SH3GL3: variants seen among roughly 807,000 people sequenced by gnomAD.
SH3GL3 encodes the protein SH3 domain containing GRB2 like 3, endophilin A3.
A neutral mutation model predicts 47.7 loss-of-function variants in SH3GL3; 33 were observed. That is an observed-to-expected ratio of 0.69 (90% CI 0.52 to 0.92). The LOEUF is 0.92. SH3GL3 is among the 40% of genes least tolerant of loss of function. The pLI is 0.00. For missense variants in SH3GL3, 363 were observed against 417.8 expected (o/e 0.87, Z 1.14); for synonymous variants, 155 against 148.8 (o/e 1.04, Z -0.30).
At chr15:83,537,075 G>A (rs1596206107) in intron 1 of SH3GL3, among the ~76,000 whole-genome samples, 1 of 152,180 alleles carries the variant, frequency 6.6e-6, no homozygotes, top group Admixed American at 6.5e-5. Context: ...CTGAGTATAG[G>A]GGTGGGTGTG....
chr15:83,499,756 A>G (rs971790636), intron 1 of SH3GL3, among the ~76,000 whole-genome samples: 2 of 152,164 alleles, frequency 1.3e-5, no homozygotes, highest in African/African-American at 4.8e-5. Flanking sequence ...TAGTGTTTTA[A>G]CTAGTGTCAC....
At chr15:83,596,296 A>T (rs2060236066) in intron 8 of SH3GL3, among the ~76,000 whole-genome samples, 1 of 152,204 alleles carries the variant, frequency 6.6e-6, no homozygotes, top group Admixed American at 6.5e-5. Flanking sequence ...CCAGAATATG[A>T]TCCATCTTGG....
At chr15:83,578,690 TAGG>T (rs2059751155) in intron 6 of SH3GL3, among the ~76,000 whole-genome samples, 1 of 151,352 alleles carries the variant, frequency 6.6e-6, no homozygotes, top group South Asian at 2.1e-4. Context: ...TTTTGGGAAA[TAGG>T]AGGAGGTGTG....
chr15:83,517,436 C>T (rs902687592), intron 1 of SH3GL3, among the ~76,000 whole-genome samples: 3 of 151,912 alleles, frequency 2.0e-5, no homozygotes, highest in Non-Finnish European at 2.9e-5. Context: ...GAACTCCTGA[C>T]CTCAGGTAAT....
chr15:83,582,430 G>A lies in SH3GL3; in HGVS notation c.625-4553G>A, dbSNP rs1337800785. Among the ~76,000 whole-genome samples, 3 of 152,096 alleles carry A rather than the reference G, an allele frequency of 2.0e-5. No individual in the cohort carries two copies. In the East Asian group the frequency reaches 5.8e-4, roughly 29 times the overall value. On this transcript the variant is annotated intron_variant, in intron 6 of 8. Transcript: ENST00000427482. ...AGCATTTTCCAAAATCCATTCCATG[G>A]GATGTTAGTGTGTTTTGCATTAATA...
At chr15:83,449,245 C>G (rs1159279063) in intron 1 of SH3GL3, among the ~76,000 whole-genome samples, 2 of 152,216 alleles carry the variant, frequency 1.3e-5, no homozygotes, top group South Asian at 4.2e-4. Context: ...AGAAAGAACT[C>G]GTAGATGACA....
chr15:83,538,289 A>G (rs1290641935), intron 1 of SH3GL3, among the ~76,000 whole-genome samples: 1 of 152,232 alleles, frequency 6.6e-6, no homozygotes, highest in Non-Finnish European at 1.5e-5. Flanking sequence ...CTAGAAGAAT[A>G]AATCAGGATA....
At chr15:83,590,224 T>C (rs910300716) in intron 8 of SH3GL3, among the ~76,000 whole-genome samples, 2 of 152,182 alleles carry the variant, frequency 1.3e-5, no homozygotes, top group Admixed American at 6.5e-5. Flanking sequence ...GAGTGCCTTG[T>C]CCCTTTGTTG....
intron 1 of SH3GL3, among the ~76,000 whole-genome samples, chr15:83,557,259 T>C (rs1478255562): frequency 6.6e-6 from 1 of 152,194 alleles, no homozygotes; most frequent in East Asian, 1.9e-4. Flanking sequence ...ACCAATATGT[T>C]GGATGATTTC....
intron 1 of SH3GL3, among the ~76,000 whole-genome samples, chr15:83,502,141 G>A (rs1279964059): frequency 6.6e-6 from 1 of 152,250 alleles, no homozygotes. Context: ...ACAACTATGT[G>A]TCTAAATTAT....
At chr15:83,494,707 T>C (rs1471096695) in intron 1 of SH3GL3, among the ~76,000 whole-genome samples, 1 of 152,030 alleles carries the variant, frequency 6.6e-6, no homozygotes, top group Non-Finnish European at 1.5e-5. Flanking sequence ...CGTGTCCAGC[T>C]AATTTTTGTA....
intron 8 of SH3GL3, among the ~76,000 whole-genome samples, chr15:83,607,746 A>G (rs2151839217): frequency 6.6e-6 from 1 of 152,172 alleles, no homozygotes; most frequent in Admixed American, 6.5e-5. Context: ...CAGACGAGGT[A>G]TCATCTGCAA....
rs2039490919 is a variant in SH3GL3, at chr15:83,447,466, G to C, written c.-68G>C. The stretch of plus-strand genomic sequence containing the variant: ...GGACCGGCCCGGGCTCCCGCTCCCC[G>C]AGCGCGTCGCGGCCGCGTGGCCCAG... On this transcript the variant is annotated 5_prime_UTR_variant, in exon 1 of 9. Transcript: ENST00000427482. This position sits in a 1 kb window ranked among gnomAD's most constrained non-coding sequence, Gnocchi z 5.1. 1 of 1,385,098 alleles carries C rather than the reference G, an allele frequency of 7.2e-7. No homozygotes were observed. Among genetic ancestry groups the C allele is most frequent in the Non-Finnish European group, 9.5e-7 (1 of 1,055,196 alleles). 85.8% of individuals were successfully genotyped at this position (1,385,098 alleles called of 1,614,324 possible).
At position 83,541,312 on chromosome 15, in the gene SH3GL3, ATTTTTT is replaced by A. The variant is rs71156085; in HGVS notation, c.46-17907_46-17902del. ...GATGGCTGGATCATATGGTAATTCT[ATTTTTT>A]TTTTTTTTTTTTTTTTTTTTTTTTT... On this transcript the variant is annotated intron_variant, in intron 1 of 8. Transcript: ENST00000427482. Among the ~76,000 whole-genome samples, 134 of 47,270 alleles carry A rather than the reference ATTTTTT, an allele frequency of 2.8e-3. 2 individuals carry two copies. Among genetic ancestry groups the A allele is most frequent in the South Asian group, 0.01 (7 of 692 alleles). 31.0% of individuals were successfully genotyped at this position (47,270 alleles called of 152,430 possible).
Position 83,573,143 on chromosome 15 carries a change from C to T in SH3GL3, c.465+445C>T, listed in dbSNP as rs144340559. 1.8e-3 allele frequency among the ~76,000 whole-genome samples: 273 copies of T among 152,236 alleles called. 4 individuals carry two copies. The highest frequency in any genetic ancestry group is 1.8e-4 in the Non-Finnish European group (12 of 68,012). ...TCATTTGGAAAACTGTTAAAAATGG[C>T]GTGCATGGGAATTTTCAGGTACCTG... On this transcript the variant is annotated intron_variant, in intron 5 of 8. Coordinates refer to ENST00000427482, the MANE Select transcript of SH3GL3 (RefSeq NM_003027.5).
At chr15:83,572,727 G>A (rs915492095) in intron 5 of SH3GL3, 29 bp downstream of exon 5, 4 of 1,506,672 alleles carry the variant, frequency 2.7e-6, no homozygotes, top group Non-Finnish European at 3.7e-6. Context: ...AAATATACCT[G>A]TTGCTACATA....
chr15:83,630,275 T>C, the SH3GL3 span, among the ~76,000 whole-genome samples: 4 of 152,188 alleles, frequency 2.6e-5, no homozygotes, highest in Non-Finnish European at 4.4e-5. Flanking sequence ...TAGGAAAATA[T>C]CTTCATAATT....
At chr15:83,489,888 T>TA (rs201368369) in intron 1 of SH3GL3, among the ~76,000 whole-genome samples, 62 of 147,398 alleles carry the variant, frequency 4.2e-4, no homozygotes, top group African/African-American at 1.5e-3. Flanking sequence ...GATAGATAGA[T>TA]AATAGATAGA....
chr15:83,620,281 A>C (rs1012972444), downstream of SH3GL3, among the ~76,000 whole-genome samples: 5 of 152,218 alleles, frequency 3.3e-5, no homozygotes, highest in African/African-American at 4.8e-5. Context: ...CCCATGAATC[A>C]CAAATGTTCT....
Sources: allele counts gnomAD v4.1 joint callset (sites outside exome capture counted in the v4.1 genomes callset), GRCh38; gene constraint gnomAD v4.1.1; non-coding constraint Gnocchi (gnomAD v3.1); transcripts MANE v1.5; gene names NCBI Gene and HGNC (gene_info 2026-07-23, HGNC 2026-07-21).